TTBK1: variants seen among roughly 807,000 people sequenced by gnomAD.
TTBK1 encodes the protein tau tubulin kinase 1.
TTBK1 carries 34 observed loss-of-function variants against 108.5 expected under a neutral mutation model. The ratio of observed to expected loss-of-function variants is 0.31; its 90% CI spans 0.24 to 0.42. TTBK1 has a LOEUF of 0.42. Ranked by LOEUF, TTBK1 falls within the 10% of genes least tolerant of loss-of-function variation. The pLI is 1.00. For missense variants in TTBK1, 1,539 were observed against 1,826.0 expected, an observed-to-expected ratio of 0.84 and a Z score of 2.86; for synonymous variants, 809 against 795.1, an observed-to-expected ratio of 1.02 and a Z score of -0.29.
chr6:43,271,358 T>C, intron 13 of TTBK1: 2 of 985,370 alleles, frequency 2.0e-6, no homozygotes, highest in Non-Finnish European at 2.4e-6. Flanking sequence ...CACTGTGTAA[T>C]TCCAGGAAGT....
rs1268733077 is a variant in TTBK1, at chr6:43,252,805, A to G, written c.175A>G (p.Asn59Asp). The change falls in exon 3 of 15, where the codon AAT becomes GAT. Residue 59 changes from asparagine to aspartate, a missense_variant. This residue lies in a region of TTBK1 where 155 missense variants were observed against 348.5 expected (regional missense o/e 0.44). Transcript: ENST00000259750. ...GGCCATGGACCTGCTGACCAGGGAG[A>G]ATGTGGCCCTCAAGGTGGAGTCAGC... ...YEAMDLLTRE[N>D]VALKVESAQQ... is the part of the protein sequence containing the mutation. The G allele has an allele frequency of 6.2e-7, 1 of 1,613,770 alleles. No individual in the cohort carries two copies. The highest frequency in any genetic ancestry group is 1.1e-5 in the South Asian group (1 of 91,058).
In TTBK1 at chr6:43,276,539, G is replaced by A. The variant is rs1778005563; in HGVS notation, c.1987-6188G>A. ...CACGGCCGCGCACGGGCGGGGAGGG[G>A]GCGCCCCGCCGTCACGCGTCGCTGT... On this transcript the variant is annotated intron_variant, in intron 13 of 14. Transcript: ENST00000259750. This position sits in a 1 kb window ranked among gnomAD's most constrained non-coding sequence, Gnocchi z 5.4. 6.6e-6 allele frequency among the ~76,000 whole-genome samples: 1 copy of A among 152,242 alleles called. No homozygotes were observed. The highest frequency in any genetic ancestry group is 1.5e-5 in the Non-Finnish European group (1 of 68,042).
intron 2 of TTBK1, among the ~76,000 whole-genome samples, chr6:43,251,349 AG>A (rs1370418364): frequency 6.6e-6 from 1 of 152,190 alleles, no homozygotes; most frequent in Admixed American, 6.5e-5. Context: ...GGACAGAATG[AG>A]GGTTTGGGAA....
At position 43,253,549 on chromosome 6, in the gene TTBK1, C is replaced by G. The variant is rs1218962269; in HGVS notation, c.331-19C>G. The G allele has an allele frequency of 3.8e-6, 6 of 1,596,394 alleles. No homozygotes were observed. Among genetic ancestry groups the G allele is most frequent in the Admixed American group, 3.4e-5 (2 of 58,936 alleles). ...GATGGCTGAGGGTGAGTCTACCCCC[C>G]ACCTCCACCCCCATGCAGGGCCGGA... On this transcript the variant is annotated intron_variant, in intron 4 of 14. Coordinates refer to ENST00000259750, the MANE Select transcript of TTBK1 (RefSeq NM_032538.3). The surrounding 1 kb of genome is among the most constrained non-coding windows in gnomAD (Gnocchi z 5.8).
chr6:43,247,658 G>A (rs1777130181), intron 2 of TTBK1, among the ~76,000 whole-genome samples: 1 of 152,108 alleles, frequency 6.6e-6, no homozygotes, highest in Non-Finnish European at 1.5e-5. Context: ...GTGTGTGCGT[G>A]TGTGCTTGGC....
chr6:43,275,555 C>A (rs1330015396), intron 13 of TTBK1, among the ~76,000 whole-genome samples: 1 of 151,740 alleles, frequency 6.6e-6, no homozygotes, highest in African/African-American at 2.4e-5. Context: ...TGTCGCCCCA[C>A]CCCTGACTCC....
intron 2 of TTBK1, among the ~76,000 whole-genome samples, chr6:43,249,023 A>C (rs1777170685): frequency 6.6e-6 from 1 of 152,084 alleles, no homozygotes; most frequent in South Asian, 2.1e-4. Context: ...ACAGGTGTGG[A>C]AACTGAGGAA....
rs1484541964 is a variant in TTBK1 at position 43,269,960 on chromosome 6, C to A, written c.1986+6610C>A. 2.8e-5 allele frequency: 40 copies of A among 1,435,020 alleles called. No individual in the cohort carries two copies. Among genetic ancestry groups the A allele is most frequent in the Non-Finnish European group, 2.3e-5 (25 of 1,098,436 alleles). 88.9% of individuals were successfully genotyped at this position (1,435,020 alleles called of 1,614,324 possible). ...TCACCCACAAGACCTAGGCTGGGCC[C>A]CCCCCCTCCTGGAGGGGGCAGGTGG... On this transcript the variant is annotated intron_variant, in intron 13 of 14. Transcript: ENST00000259750. This position sits in a 1 kb window ranked among gnomAD's most constrained non-coding sequence, Gnocchi z 4.8.
At chr6:43,275,282 C>CCCCCGCCGGACTTCGG (rs1777941611) in intron 13 of TTBK1, among the ~76,000 whole-genome samples, 2 of 152,068 alleles carry the variant, frequency 1.3e-5, no homozygotes, top group Non-Finnish European at 2.9e-5. Flanking sequence ...CGCCCTGCAC[C>CCCCCGCCGGACTTCGG]CCCCGCCGGA....
At chr6:43,264,876 C>G (rs1454798027) in intron 13 of TTBK1, among the ~76,000 whole-genome samples, 1 of 151,580 alleles carries the variant, frequency 6.6e-6, no homozygotes, top group East Asian at 2.0e-4. Context: ...AGAGCCCAGT[C>G]TGGCTGCAAT....
chr6:43,246,825 T>C, intron 2 of TTBK1, 57 bp downstream of exon 2: 1 of 1,442,538 alleles, frequency 6.9e-7, no homozygotes, highest in Non-Finnish European at 9.5e-7. Flanking sequence ...GGCGAGGACC[T>C]GGAGACTTGT....
intron 13 of TTBK1, chr6:43,271,073 G>A: frequency 1.0e-6 from 1 of 985,508 alleles, no homozygotes; most frequent in African/African-American, 1.7e-5. Context: ...AACCTTCACT[G>A]CAGGGAGCCC....
chr6:43,273,893 C>T lies in TTBK1; in HGVS notation c.1987-8834C>T, dbSNP rs1429435312. Among the ~76,000 whole-genome samples, 2 of 152,132 alleles carry T rather than the reference C, an allele frequency of 1.3e-5. No individual in the cohort carries two copies. Among genetic ancestry groups the T allele is most frequent in the Non-Finnish European group, 2.9e-5 (2 of 68,040 alleles). ...GCCTGAGGACTTCCTGCACCACCCT[C>T]TGTCCAGGGCTGCAGCACTCAAAGG... is the stretch of plus-strand genomic sequence containing the variant. On this transcript the variant is annotated intron_variant, in intron 13 of 14. Coordinates refer to ENST00000259750, the MANE Select transcript of TTBK1 (RefSeq NM_032538.3). The surrounding 1 kb of genome is among the most constrained non-coding windows in gnomAD (Gnocchi z 4.2).
At chr6:43,246,456 C>T (rs771012949) in intron 1 of TTBK1, among the ~76,000 whole-genome samples, 151 bp from the exon 2 acceptor site, 8 of 152,218 alleles carry the variant, frequency 5.3e-5, no homozygotes, top group Non-Finnish European at 1.2e-4. Context: ...TTGCACTGGC[C>T]TTTATACAAT....
chr6:43,253,582 C>T lies in TTBK1; in HGVS notation c.345C>T (p.Ala115=), dbSNP rs200170794. 177 of 1,609,470 alleles carry T rather than the reference C, an allele frequency of 1.1e-4. No homozygotes were observed. In the Admixed American group the frequency reaches 2.3e-3, roughly 21 times the overall value. The part of the protein sequence containing the change: ...VVMQLQGRNL[A]DLRRSQPRGT... ...CCCCCATGCAGGGCCGGAACCTGGCCGACCTGCGCCGTAGCCAGCCGCGAG... is the reference window on the plus strand; with the variant it reads ...CCCCCATGCAGGGCCGGAACCTGGCTGACCTGCGCCGTAGCCAGCCGCGAG... Residue 115 remains alanine, a synonymous_variant, in exon 5 of 15, where the codon GCC becomes GCT. Coordinates refer to ENST00000259750, the MANE Select transcript of TTBK1 (RefSeq NM_032538.3). This position sits in a 1 kb window ranked among gnomAD's most constrained non-coding sequence, Gnocchi z 5.8.
rs1481815066 is a variant in TTBK1, at chr6:43,254,918, G to T, written c.577-131G>T. 9.5e-6 allele frequency: 9 copies of T among 949,620 alleles called. No individual in the cohort carries two copies. In the Admixed American group the frequency reaches 1.7e-4, roughly 18 times the overall value. The allele number at this position is 949,620 out of a possible 1,614,324, so 58.8% of individuals were successfully genotyped here. On this transcript the variant is annotated intron_variant, in intron 6 of 14. Transcript: ENST00000259750. Reference sequence around the variant, plus strand: ...CAGCAGGCGGGTTTAGGACTGGAAGGTCAGAGAGCAGGCCCACCTCCCCAG... The same window carrying T: ...CAGCAGGCGGGTTTAGGACTGGAAGTTCAGAGAGCAGGCCCACCTCCCCAG...
chr6:43,269,384 A>G lies in TTBK1; in HGVS notation c.1986+6034A>G, dbSNP rs1462228982. ...GGCTTCTCGGAGGAGGTGAGTGACCATGGTCTCCTTGCAGAGACCATAGTG... is the reference window on the plus strand; with the variant it reads ...GGCTTCTCGGAGGAGGTGAGTGACCGTGGTCTCCTTGCAGAGACCATAGTG... On this transcript the variant is annotated intron_variant, in intron 13 of 14. Transcript: ENST00000259750. This position sits in a 1 kb window ranked among gnomAD's most constrained non-coding sequence, Gnocchi z 4.8. Among the ~76,000 whole-genome samples the G allele has an allele frequency of 6.6e-6, 1 of 152,232 alleles. No individual in the cohort carries two copies. Among genetic ancestry groups the G allele is most frequent in the African/African-American group, 2.4e-5 (1 of 41,466 alleles).
chr6:43,270,975 A>G, intron 13 of TTBK1: 1 of 985,468 alleles, frequency 1.0e-6, no homozygotes, highest in Non-Finnish European at 1.2e-6. Flanking sequence ...GAAGAGAGGC[A>G]GGTTGGATAG....
intron 2 of TTBK1, 132 bp downstream of exon 2, chr6:43,246,900 G>T: frequency 1.6e-6 from 1 of 628,858 alleles, no homozygotes; most frequent in South Asian, 2.2e-5. Flanking sequence ...TTTGCATACT[G>T]CTTGCATGTC....
Sources: allele counts gnomAD v4.1 joint callset (sites outside exome capture counted in the v4.1 genomes callset), GRCh38; gene constraint gnomAD v4.1.1; regional missense constraint gnomAD v4.1.1; non-coding constraint Gnocchi (gnomAD v3.1); transcripts MANE v1.5; gene names NCBI Gene and HGNC (gene_info 2026-07-23, HGNC 2026-07-21).